VSTM4: variants seen among roughly 807,000 people sequenced by gnomAD.
VSTM4 encodes the protein V-set and transmembrane domain containing 4, also known as V-set and transmembrane domain-containing protein 4.
In VSTM4, 20 loss-of-function variants were observed where a neutral mutation model predicts 36.4. The ratio of observed to expected loss-of-function variants is 0.55; its 90% confidence interval spans 0.39 to 0.80. VSTM4 has a LOEUF of 0.80. Ranked by LOEUF, VSTM4 falls within the 30% of genes least tolerant of loss-of-function variation. The pLI is 0.00. For synonymous variants in VSTM4, 182 were observed against 173.9 expected (o/e 1.05, Z -0.37); for missense variants, 392 against 404.5 (o/e 0.97, Z 0.26).
At chr10:49,106,059 T>A (rs1302828990) in intron 2 of VSTM4, among the ~76,000 whole-genome samples, 1 of 152,192 alleles carries the variant, frequency 6.6e-6, no homozygotes, top group Non-Finnish European at 1.5e-5. Context: ...ACATTCTATT[T>A]AATACCTCAT....
intron 4 of VSTM4, among the ~76,000 whole-genome samples, chr10:49,076,781 C>T (rs1347298595): frequency 1.3e-5 from 2 of 152,160 alleles, no homozygotes; most frequent in Non-Finnish European, 1.5e-5. Context: ...GGGGAGACTT[C>T]CCAAGTGCCA....
chr10:49,048,348 A>T, intron 6 of VSTM4, 130 bp downstream of exon 6: 2 of 827,834 alleles, frequency 2.4e-6, no homozygotes, highest in Non-Finnish European at 3.6e-6. Flanking sequence ...TCCAGACTAC[A>T]TAATCATTAA....
intron 5 of VSTM4, among the ~76,000 whole-genome samples, chr10:49,058,885 G>T (rs36116147): frequency 0.17 from 26,450 of 152,126 alleles, 2,632 homozygotes; most frequent in Non-Finnish European, 0.23. Context: ...ATGGTCAGAA[G>T]CCAGAGAAGG....
At chr10:49,049,429 T>C (rs1346226411) in intron 5 of VSTM4, among the ~76,000 whole-genome samples, 2 of 152,188 alleles carry the variant, frequency 1.3e-5, no homozygotes, top group African/African-American at 4.8e-5. Flanking sequence ...GTGCTACTCA[T>C]GGGCTGGAGT....
At chr10:49,050,560 G>C (rs898472126) in intron 5 of VSTM4, among the ~76,000 whole-genome samples, 2 of 152,158 alleles carry the variant, frequency 1.3e-5, no homozygotes, top group African/African-American at 4.8e-5. Context: ...ATTCTAACTG[G>C]TCATAGCTTT....
At chr10:49,032,343 C>G (rs1843359654) in intron 7 of VSTM4, among the ~76,000 whole-genome samples, 1 of 152,190 alleles carries the variant, frequency 6.6e-6, no homozygotes, top group Admixed American at 6.5e-5. Flanking sequence ...TCCCCAAAGG[C>G]AGTGACTCCG....
Position 49,105,209 on chromosome 10 carries a change from G to GAGAC in VSTM4, c.457+2381_457+2384dup, listed in dbSNP as rs1392690570. On this transcript the variant is annotated intron_variant, in intron 2 of 7. Coordinates refer to ENST00000332853, the MANE Select transcript of VSTM4 (RefSeq NM_001031746.5). ...ACAGAGAGAGAGAGGGAGAGACAGAGAGACAGAGAGAGAGAGAGAGAGAGA... is the reference window on the plus strand; with the variant it reads ...ACAGAGAGAGAGAGGGAGAGACAGAGAGACAGACAGAGAGAGAGAGAGAGAGAGA... 3.1e-4 allele frequency among the ~76,000 whole-genome samples: 34 copies of GAGAC among 110,848 alleles called. 1 individual carries two copies. In the South Asian group the frequency reaches 0.012, roughly 38 times the overall value. 72.7% of individuals were successfully genotyped at this position (110,848 alleles called of 152,430 possible).
intron 2 of VSTM4, among the ~76,000 whole-genome samples, chr10:49,105,538 C>G (rs1386988193): frequency 6.6e-6 from 1 of 151,848 alleles, no homozygotes; most frequent in African/African-American, 2.4e-5. Flanking sequence ...AGTGGGGGAG[C>G]AAGAGAAGAA....
chr10:49,094,983 A>G (rs888107097), intron 2 of VSTM4, among the ~76,000 whole-genome samples: 1 of 152,160 alleles, frequency 6.6e-6, no homozygotes, highest in African/African-American at 2.4e-5. Flanking sequence ...GATGAGAAAC[A>G]ATGAAACTCC....
intron 3 of VSTM4, among the ~76,000 whole-genome samples, chr10:49,084,052 G>T (rs1844327387): frequency 1.3e-5 from 2 of 152,176 alleles, no homozygotes; most frequent in Admixed American, 6.5e-5. Context: ...CCATCACAGT[G>T]CCTGGTCACA....
chr10:49,080,369 C>T (rs1844257364), intron 3 of VSTM4, among the ~76,000 whole-genome samples: 3 of 152,218 alleles, frequency 2.0e-5, no homozygotes, highest in Admixed American at 2.0e-4. Flanking sequence ...ATTCAGGTTC[C>T]TTTTGACTCT....
At chr10:49,021,921 T>C (rs57192152) in intron 7 of VSTM4, among the ~76,000 whole-genome samples, 5,590 of 152,262 alleles carry the variant, frequency 0.037, 295 homozygotes, top group African/African-American at 0.11. Context: ...TATGCGTGTA[T>C]GTAAGTAAAT....
At chr10:49,035,669 C>CAAA (rs3080379) in intron 7 of VSTM4, among the ~76,000 whole-genome samples, 2,711 of 69,076 alleles carry the variant, frequency 0.039, 265 homozygotes, top group Middle Eastern at 0.064. Context: ...CCCAGCTCCA[C>CAAA]AAAAAAAAAA....
At position 49,060,891 on chromosome 10, in the gene VSTM4, T is replaced by C. The variant is rs111863496; in HGVS notation, c.668+3812A>G. The stretch of plus-strand genomic sequence containing the variant: ...TTATGTTTCTGTATATGGATACCCA[T>C]GTGTCCCAGCACTGTCTGTCAAAAG... On this transcript the variant is annotated intron_variant, in intron 5 of 7. Coordinates refer to ENST00000332853, the MANE Select transcript of VSTM4 (RefSeq NM_001031746.5). Among the ~76,000 whole-genome samples the C allele has an allele frequency of 2.3e-4, 35 of 152,328 alleles. 1 individual carries two copies. The highest frequency in any genetic ancestry group is 8.2e-4 in the African/African-American group (34 of 41,580).
Position 49,115,440 on chromosome 10 carries a change from G to T in VSTM4, c.46C>A (p.Pro16Thr). Residue 16 changes from proline (P) to threonine (T), a missense_variant, in exon 1 of 8, where the codon CCG becomes ACG. Physicochemically the swap from Pro to Thr is conservative, Grantham distance 38 (BLOSUM62 -1). Transcript: ENST00000332853. ...LAAAALLARA[P>T]APEVCAALNV... ...GCCCCGCCGCGCTTACCCGGAGCCGGAGCCCGCGCCAGCAGCGCGGCCGCC... is the reference window on the plus strand; with the variant it reads ...GCCCCGCCGCGCTTACCCGGAGCCGTAGCCCGCGCCAGCAGCGCGGCCGCC... The T allele has an allele frequency of 9.6e-7, 1 of 1,045,362 alleles. No homozygotes were observed. The highest frequency in any genetic ancestry group is 3.2e-5 in the South Asian group (1 of 31,636). 64.8% of individuals were successfully genotyped at this position (1,045,362 alleles called of 1,614,324 possible).
chr10:49,074,283 C>A (rs1844134755), intron 4 of VSTM4, among the ~76,000 whole-genome samples: 1 of 152,178 alleles, frequency 6.6e-6, no homozygotes. Flanking sequence ...TAGTATAGCT[C>A]ATCTATGAAT....
intron 4 of VSTM4, among the ~76,000 whole-genome samples, chr10:49,066,553 T>C (rs12254676): frequency 0.035 from 5,278 of 152,254 alleles, 303 homozygotes; most frequent in African/African-American, 0.12. Context: ...CTGTTTATAT[T>C]GAAGTATTTC....
rs560809893 is a variant in VSTM4 at position 49,102,375 on chromosome 10, C to G, written c.457+5219G>C. ...GGTCTTGAACTCTTGACTTCGTGAT[C>G]CACCCACCTCGGCCTCCCAAAGTGC... is the stretch of plus-strand genomic sequence containing the variant. On this transcript the variant is annotated intron_variant, in intron 2 of 7. Transcript: ENST00000332853. 2.6e-5 allele frequency: 25 copies of G among 980,384 alleles called. No homozygotes were observed. The African/African-American group carries it at 3.7e-4, about 14-fold the overall frequency. The allele number at this position is 980,384 out of a possible 1,614,324, so 60.7% of individuals were successfully genotyped here.
At chr10:49,092,622 G>A (rs532667790) in intron 2 of VSTM4, among the ~76,000 whole-genome samples, 1 of 152,282 alleles carries the variant, frequency 6.6e-6, no homozygotes, top group East Asian at 1.9e-4. Context: ...AGAGGAGGGC[G>A]TGGTCCCTGG....
Sources: gnomAD v4.1 joint callset for allele counts (sites outside exome capture counted in the v4.1 genomes callset) on GRCh38, gnomAD v4.1.1 for gene constraint, MANE v1.5 for transcripts, NCBI Gene and HGNC (gene_info 2026-07-23, HGNC 2026-07-21) for gene names.